ZNF248: variants seen among roughly 807,000 people sequenced by gnomAD.
The protein encoded by ZNF248 is KRAB protein domain.
In ZNF248, 20 loss-of-function variants were observed where a neutral mutation model predicts 44.3. The ratio of observed to expected loss-of-function variants is 0.45; its 90% CI spans 0.32 to 0.66. ZNF248 has a LOEUF of 0.66. Among genes scored for constraint, ZNF248 ranks in the 30% least tolerant of loss-of-function variants. ZNF248 has a pLI of 0.04. For missense variants in ZNF248, 654 were observed against 677.0 expected, an observed-to-expected ratio of 0.97 and a Z score of 0.38; for synonymous variants, 224 against 229.0, an observed-to-expected ratio of 0.98 and a Z score of 0.20.
chr10:37,847,175 G>A (rs1384528325), intron 3 of ZNF248, among the ~76,000 whole-genome samples: 1 of 152,014 alleles, frequency 6.6e-6, no homozygotes, highest in Non-Finnish European at 1.5e-5. Context: ...AGCTGGGTGT[G>A]AGCCACCATG....
the ZNF248 span, among the ~76,000 whole-genome samples, chr10:37,761,365 T>C: frequency 2.0e-5 from 3 of 152,192 alleles, no homozygotes; most frequent in African/African-American, 7.2e-5. Context: ...AGCATGAAGA[T>C]AGTATTTCAA....
At chr10:37,766,693 T>G in the ZNF248 span, among the ~76,000 whole-genome samples, 1 of 152,048 alleles carries the variant, frequency 6.6e-6, no homozygotes, top group Non-Finnish European at 1.5e-5. Flanking sequence ...GTAGAAAAAC[T>G]GGAAACTCTA....
chr10:37,801,983 AT>A (rs1363168365), intron 6 of ZNF248, among the ~76,000 whole-genome samples: 1 of 152,180 alleles, frequency 6.6e-6, no homozygotes, highest in African/African-American at 2.4e-5. Flanking sequence ...AGATCAGAGG[AT>A]TTTTGATGAG....
the ZNF248 span, among the ~76,000 whole-genome samples, chr10:37,764,602 C>T: frequency 6.6e-6 from 1 of 151,996 alleles, no homozygotes; most frequent in Non-Finnish European, 1.5e-5. Context: ...TGTGATGTCT[C>T]CCCTGGACAC....
chr10:37,838,533 G>T (rs1012368478), intron 3 of ZNF248, among the ~76,000 whole-genome samples: 1 of 152,078 alleles, frequency 6.6e-6, no homozygotes, highest in South Asian at 2.1e-4. Flanking sequence ...TAAAATAATG[G>T]GATTGAAATG....
chr10:37,760,632 G>C, the ZNF248 span, among the ~76,000 whole-genome samples: 3 of 152,128 alleles, frequency 2.0e-5, no homozygotes. Flanking sequence ...TCAGCAGCTC[G>C]AGACAAGCCT....
chr10:37,786,372 G>T (rs113323254), intron 6 of ZNF248, among the ~76,000 whole-genome samples: 40 of 152,208 alleles, frequency 2.6e-4, no homozygotes, highest in African/African-American at 7.7e-4. Context: ...GTGGGAGAGG[G>T]TTAACATCCA....
At chr10:37,846,796 G>C (rs925171213) in intron 3 of ZNF248, among the ~76,000 whole-genome samples, 3 of 152,104 alleles carry the variant, frequency 2.0e-5, no homozygotes, top group Admixed American at 2.0e-4. Flanking sequence ...AGGGATCACA[G>C]AAACACGTTA....
At chr10:37,856,368 G>C (rs1292346504) in intron 2 of ZNF248, 31 bp from the exon 3 acceptor site, 7 of 1,611,394 alleles carry the variant, frequency 4.3e-6, no homozygotes, top group Non-Finnish European at 5.9e-6. Flanking sequence ...AATGTCAGGA[G>C]AGCCTTCGCC....
the ZNF248 span, among the ~76,000 whole-genome samples, chr10:37,764,862 TTTCTAATTC>T: frequency 6.6e-6 from 1 of 152,302 alleles, no homozygotes; most frequent in South Asian, 2.1e-4. Flanking sequence ...CCCAGTTAAT[TTTCTAATTC>T]ATGCATAAGA....
At chr10:37,835,449 C>T (rs1029900176) in intron 5 of ZNF248, among the ~76,000 whole-genome samples, 1 of 152,168 alleles carries the variant, frequency 6.6e-6, no homozygotes. Context: ...TCCTCAATAT[C>T]CTCTAAGGGA....
chr10:37,856,080 T>TAA (rs1297184907), intron 3 of ZNF248, among the ~76,000 whole-genome samples: 1 of 152,206 alleles, frequency 6.6e-6, no homozygotes, highest in Non-Finnish European at 1.5e-5. Flanking sequence ...CTAGAACAAT[T>TAA]AGAGATAATA....
intron 6 of ZNF248, among the ~76,000 whole-genome samples, chr10:37,781,291 T>TA (rs1391241966): frequency 3.3e-5 from 5 of 152,120 alleles, no homozygotes; most frequent in Admixed American, 2.6e-4. Context: ...GTGACAGAGG[T>TA]AAGCATACTG....
intron 6 of ZNF248, chr10:37,821,071 GAGAAGT>G (rs2053386650): frequency 5.2e-6 from 4 of 771,452 alleles, no homozygotes; most frequent in East Asian, 2.8e-5. Context: ...TCACTTCACT[GAGAAGT>G]AGGTCTACAG....
chr10:37,820,415 G>A, intron 6 of ZNF248: 1 of 1,538,058 alleles, frequency 6.5e-7, no homozygotes, highest in South Asian at 1.1e-5. Flanking sequence ...TGGCAGAGCA[G>A]ACTGCTCCTC....
chr10:37,799,149 C>G (rs887059238), intron 6 of ZNF248, among the ~76,000 whole-genome samples: 2 of 151,576 alleles, frequency 1.3e-5, no homozygotes, highest in Non-Finnish European at 2.9e-5. Flanking sequence ...AATATAATAA[C>G]TGATAAAAAC....
intron 3 of ZNF248, among the ~76,000 whole-genome samples, chr10:37,845,135 C>T (rs984616261): frequency 6.6e-6 from 1 of 151,884 alleles, no homozygotes. Flanking sequence ...GATCCTTCCA[C>T]CTGAACTTCC....
Position 37,839,414 on chromosome 10 carries a change from T to C in ZNF248, c.16-1303A>G, listed in dbSNP as rs2057889810. ...CACCTAGCACCCTAATTTTTGTTTC[T>C]AACGCCATGCTCCAATATATGCTGA... On this transcript the variant is annotated intron_variant, in intron 3 of 5. Coordinates refer to ENST00000395867, the MANE Select transcript of ZNF248 (RefSeq NM_021045.3). 3.3e-5 allele frequency among the ~76,000 whole-genome samples: 5 copies of C among 152,200 alleles called. No homozygotes were observed. The South Asian group carries it at 1.0e-3, about 32-fold the overall frequency.
Position 37,828,778 on chromosome 10 carries a change from CTATT to C in ZNF248, c.*2833_*2836del. Reference sequence around the variant, plus strand: ...AATCAAACAGTGCAGGGACAACTGGCTATTTATTTGGAAGAATACAGAGCTGCTT... The same window carrying C: ...AATCAAACAGTGCAGGGACAACTGGCTATTTGGAAGAATACAGAGCTGCTT... On this transcript the variant is annotated 3_prime_UTR_variant, in exon 6 of 6. Coordinates refer to ENST00000395867, the MANE Select transcript of ZNF248 (RefSeq NM_021045.3). 2.0e-6 allele frequency: 2 copies of C among 985,334 alleles called. No homozygotes were observed. The highest frequency in any genetic ancestry group is 1.2e-6 in the Non-Finnish European group (1 of 829,904). 61.0% of individuals were successfully genotyped at this position (985,334 alleles called of 1,614,324 possible). A position where few individuals can be genotyped will look rare whatever the true frequency, so the allele number is the denominator to read the frequency against.
Sources: gnomAD v4.1 joint callset for allele counts (sites outside exome capture counted in the v4.1 genomes callset) on GRCh38, gnomAD v4.1.1 for gene constraint, MANE v1.5 for transcripts, NCBI Gene and HGNC (gene_info 2026-07-23, HGNC 2026-07-21) for gene names.